STRN: variants seen among roughly 807,000 people sequenced by gnomAD.
The protein encoded by STRN is striatin.
In STRN, 53 loss-of-function variants were observed where a neutral mutation model predicts 96.3. The observed-to-expected ratio is 0.55, with a 90% CI of 0.44 to 0.69. The LOEUF is 0.69. Ranked by LOEUF, STRN falls within the 30% of genes least tolerant of loss-of-function variation. The pLI is 0.00. For missense variants in STRN, 987 were observed against 963.9 expected, an observed-to-expected ratio of 1.02 and a Z score of -0.32; for synonymous variants, 428 against 355.9, an observed-to-expected ratio of 1.20 and a Z score of -2.28.
In STRN at chr2:36,902,564, T is replaced by C. The variant is rs919076099; in HGVS notation, c.659+20A>G. 6.3e-7 allele frequency: 1 copy of C among 1,575,028 alleles called. No homozygotes were observed. Among genetic ancestry groups the C allele is most frequent in the Non-Finnish European group, 8.6e-7 (1 of 1,158,518 alleles). ...TAAGAACTAATAATAGCTAAAACAC[T>C]TTCCAGACAAAATACTTACGCAATC... On this transcript the variant is annotated intron_variant, in intron 5 of 17. Transcript: ENST00000263918.
intron 12 of STRN, among the ~76,000 whole-genome samples, chr2:36,861,487 T>C (rs1668478454): frequency 6.6e-6 from 1 of 152,186 alleles, no homozygotes; most frequent in Non-Finnish European, 1.5e-5. Context: ...TGTACAGTCC[T>C]CAAGCTAAGA....
intron 1 of STRN, among the ~76,000 whole-genome samples, chr2:36,931,905 C>G (rs182713758): frequency 6.6e-6 from 1 of 151,616 alleles, no homozygotes; most frequent in Non-Finnish European, 1.5e-5. Flanking sequence ...ACAGCAGCCT[C>G]GAAATCCTGA....
intron 1 of STRN, among the ~76,000 whole-genome samples, 182 bp downstream of exon 1, chr2:36,966,048 C>G (rs1476345603): frequency 1.4e-5 from 2 of 145,838 alleles, no homozygotes; most frequent in African/African-American, 5.1e-5. Flanking sequence ...AGAACAGGGT[C>G]GAGGTGGGGT....
At chr2:36,873,352 C>A (rs746841042) in intron 10 of STRN, among the ~76,000 whole-genome samples, 1 of 152,074 alleles carries the variant, frequency 6.6e-6, no homozygotes, top group Non-Finnish European at 1.5e-5. Context: ...TGAGCAGAAA[C>A]AACACATAAC....
intron 2 of STRN, among the ~76,000 whole-genome samples, chr2:36,918,224 GAAGGT>G (rs1670161904): frequency 1.3e-5 from 2 of 152,088 alleles, no homozygotes; most frequent in African/African-American, 4.8e-5. Flanking sequence ...TTGATCATCA[GAAGGT>G]AAGATTTACA....
intron 1 of STRN, among the ~76,000 whole-genome samples, chr2:36,959,849 G>A (rs1470650069): frequency 6.6e-6 from 1 of 151,956 alleles, no homozygotes; most frequent in Non-Finnish European, 1.5e-5. Context: ...TAATGCTAGG[G>A]GTCCTCATTC....
chr2:36,903,370 C>T (rs888452792), intron 4 of STRN, among the ~76,000 whole-genome samples: 5 of 152,160 alleles, frequency 3.3e-5, no homozygotes, highest in African/African-American at 1.2e-4. Context: ...AGATCTAGGT[C>T]CTGTTTCTGC....
intron 12 of STRN, among the ~76,000 whole-genome samples, chr2:36,862,884 C>T (rs1307665264): frequency 1.3e-5 from 2 of 151,986 alleles, no homozygotes; most frequent in African/African-American, 2.4e-5. Flanking sequence ...TACAGGCGCC[C>T]ACCACCACGC....
At chr2:36,892,297 C>T (rs1669421294) in intron 7 of STRN, among the ~76,000 whole-genome samples, 1 of 152,132 alleles carries the variant, frequency 6.6e-6, no homozygotes, top group Admixed American at 6.6e-5. Context: ...CGCTGAAAAA[C>T]CAACTGATAC....
chr2:36,937,474 GCCTGGGCAACGCACTGAGAAT>G (rs1422109453), intron 1 of STRN, among the ~76,000 whole-genome samples: 2 of 151,996 alleles, frequency 1.3e-5, no homozygotes, highest in Admixed American at 6.6e-5. Context: ...TTCAAGACTA[GCCTGGGCAACGCACTGAGAAT>G]CCATGTCTAC....
intron 3 of STRN, among the ~76,000 whole-genome samples, chr2:36,913,860 G>A (rs1670025792): frequency 6.6e-6 from 1 of 152,212 alleles, no homozygotes; most frequent in South Asian, 2.1e-4. Flanking sequence ...CAGGAATGGA[G>A]TAACCATAGA....
chr2:36,928,618 C>CTCCA (rs1670483159), intron 1 of STRN, among the ~76,000 whole-genome samples: 1 of 148,890 alleles, frequency 6.7e-6, no homozygotes, highest in Non-Finnish European at 1.5e-5. Context: ...CACCACTGCA[C>CTCCA]TCCAGCCTGG....
rs901182242 is a variant in STRN, at chr2:36,966,382, C to A, written c.82G>T (p.Ala28Ser). The A allele has an allele frequency of 4.1e-6, 6 of 1,462,586 alleles. No individual in the cohort carries two copies. The African/African-American group carries it at 7.4e-5, about 18-fold the overall frequency. 90.6% of individuals were successfully genotyped at this position (1,462,586 alleles called of 1,614,324 possible). A position where few individuals can be genotyped will look rare whatever the true frequency, so the allele number is the denominator to read the frequency against. The part of the protein sequence containing the change: ...AGGAKGLGPL[A>S]EAAAAGDGAA... ...CCGTCGCCGGCCGCGGCAGCCTCCG[C>A]CAGAGGCCCGAGCCCCTTGGCACCG... The change falls in exon 1 of 18, where the codon GCG becomes TCG. Residue 28 changes from alanine (A) to serine (S), a missense_variant. Physicochemically the swap from Ala to Ser is moderately conservative, Grantham distance 99. Coordinates refer to ENST00000263918, the MANE Select transcript of STRN (RefSeq NM_003162.4).
intron 2 of STRN, among the ~76,000 whole-genome samples, chr2:36,922,113 T>G (rs1306113153): frequency 6.6e-6 from 1 of 152,142 alleles, no homozygotes; most frequent in African/African-American, 2.4e-5. Flanking sequence ...AAATGGTACC[T>G]ATAGAGAGAG....
chr2:36,899,947 T>G (rs1357956284), intron 5 of STRN, among the ~76,000 whole-genome samples: 1 of 152,174 alleles, frequency 6.6e-6, no homozygotes, highest in Non-Finnish European at 1.5e-5. Context: ...TAGAGTGCAG[T>G]AGCATGATCT....
intron 4 of STRN, 95 bp from the exon 5 acceptor site, chr2:36,902,846 G>T: frequency 9.5e-7 from 1 of 1,057,800 alleles, no homozygotes; most frequent in Non-Finnish European, 1.3e-6. Flanking sequence ...CTCATTGCCT[G>T]CATAAGACTT....
rs746559508 is a variant in STRN, at chr2:36,838,386, G to A, written c.*11070C>T. Among the ~76,000 whole-genome samples, 2 of 152,126 alleles carry A rather than the reference G, an allele frequency of 1.3e-5. No homozygotes were observed. Among genetic ancestry groups the A allele is most frequent in the Non-Finnish European group, 2.9e-5 (2 of 68,022 alleles). ...CAGACAGCCCAGTTGAGTTTCCCTG[G>A]AGTTCTAACCTACAGAACTTTGAAT... On this transcript the variant is annotated 3_prime_UTR_variant, in exon 18 of 18. Coordinates refer to ENST00000263918, the MANE Select transcript of STRN (RefSeq NM_003162.4).
rs1438511591 is a variant in STRN, at chr2:36,841,384, T to G, written c.*8072A>C. ...AAAGCATTCTTACATAGCAGTTGAG[T>G]ACTGGGAAGGTTGTTGGGGAGGGTA... On this transcript the variant is annotated 3_prime_UTR_variant, in exon 18 of 18. Coordinates refer to ENST00000263918, the MANE Select transcript of STRN (RefSeq NM_003162.4). The G allele has an allele frequency of 1.3e-5, 2 of 151,982 alleles. No individual in the cohort carries two copies. Among genetic ancestry groups the G allele is most frequent in the Non-Finnish European group, 2.9e-5 (2 of 67,986 alleles). The allele number at this position is 151,982 out of a possible 1,614,324, so 9.4% of individuals were successfully genotyped here. A position where few individuals can be genotyped will look rare whatever the true frequency, so the allele number is the denominator to read the frequency against.
chr2:36,909,241 C>T (rs147394441), intron 3 of STRN, among the ~76,000 whole-genome samples: 14 of 151,900 alleles, frequency 9.2e-5, no homozygotes, highest in African/African-American at 2.9e-4. Flanking sequence ...AGGCTAAGCT[C>T]GCAGTTCTTT....
Sources: allele counts gnomAD v4.1 joint callset (sites outside exome capture counted in the v4.1 genomes callset), GRCh38; gene constraint gnomAD v4.1.1; transcripts MANE v1.5; gene names NCBI Gene and HGNC (gene_info 2026-07-23, HGNC 2026-07-21).